Variants in CADPS2 observed in about 807,000 individuals in gnomAD.
CADPS2 encodes calcium-dependent secretion activator 2.
In CADPS2, 93 loss-of-function variants were observed where a neutral mutation model predicts 172.5. The observed-to-expected ratio is 0.54, with a 90% CI of 0.46 to 0.64. The LOEUF (loss-of-function observed/expected upper bound fraction) is 0.64, where lower values mean the gene tolerates loss of function less well. Ranked by LOEUF, CADPS2 falls within the 30% of genes least tolerant of loss-of-function variation. The probability of loss-of-function intolerance (pLI) is 0.00; values close to 1 mark genes in which losing one functional copy is unlikely to be tolerated. For missense variants in CADPS2, 1,420 were observed against 1,565.9 expected, an observed-to-expected ratio of 0.91 and a Z score of 1.57; for synonymous variants, 546 against 555.2, an observed-to-expected ratio of 0.98 and a Z score of 0.23.
intron 8 of CADPS2, among the ~76,000 whole-genome samples, chr7:122,544,654 T>C (rs2063441876): frequency 6.6e-6 from 1 of 152,144 alleles, no homozygotes; most frequent in South Asian, 2.1e-4. Flanking sequence ...CCCATGTGTG[T>C]CCTCATGGTG....
intron 9 of CADPS2, among the ~76,000 whole-genome samples, chr7:122,506,690 G>A (rs941400617): frequency 1.3e-5 from 2 of 149,354 alleles, no homozygotes; most frequent in African/African-American, 2.5e-5. Flanking sequence ...AGCTGGAAAT[G>A]TTCTTGGCAG....
intron 1 of CADPS2, among the ~76,000 whole-genome samples, chr7:122,842,208 C>T (rs1434644862): frequency 6.6e-6 from 1 of 152,216 alleles, no homozygotes; most frequent in Admixed American, 6.5e-5. Context: ...CTCTTTCCTC[C>T]CTCTGCTTCT....
At chr7:122,392,394 T>C (rs2044487279) in intron 22 of CADPS2, among the ~76,000 whole-genome samples, 1 of 151,476 alleles carries the variant, frequency 6.6e-6, no homozygotes, top group South Asian at 2.1e-4. Context: ...ATACAGTTTT[T>C]TTTTTTTAAA....
chr7:122,456,777 C>T (rs2053836786), intron 14 of CADPS2, among the ~76,000 whole-genome samples: 1 of 152,194 alleles, frequency 6.6e-6, no homozygotes, highest in South Asian at 2.1e-4. Context: ...CACACGTGTG[C>T]ACACAAACAC....
intron 1 of CADPS2, among the ~76,000 whole-genome samples, chr7:122,773,585 T>C (rs1044881034): frequency 1.3e-5 from 2 of 152,018 alleles, no homozygotes; most frequent in African/African-American, 4.8e-5. Flanking sequence ...GACCAGAAGT[T>C]CAAAAAAGGC....
chr7:122,610,841 G>A (rs2074203314), intron 6 of CADPS2, among the ~76,000 whole-genome samples: 1 of 152,090 alleles, frequency 6.6e-6, no homozygotes, highest in Admixed American at 6.6e-5. Context: ...CCAACAAGTG[G>A]TGGTACACTA....
At chr7:122,878,575 G>A (rs1821947676) in intron 1 of CADPS2, among the ~76,000 whole-genome samples, 1 of 151,516 alleles carries the variant, frequency 6.6e-6, no homozygotes, top group African/African-American at 2.4e-5. Flanking sequence ...AGGAGGTGGA[G>A]CTTGCAGTGA....
chr7:122,480,926 C>A, intron 11 of CADPS2, 66 bp from the exon 12 acceptor site: 1 of 1,172,556 alleles, frequency 8.5e-7, no homozygotes. Context: ...TATACTTATA[C>A]AACTAGACAT....
intron 8 of CADPS2, among the ~76,000 whole-genome samples, chr7:122,526,480 A>AT (rs1391375117): frequency 6.6e-6 from 1 of 152,126 alleles, no homozygotes; most frequent in Non-Finnish European, 1.5e-5. Context: ...GGCATGAGCC[A>AT]TCCCGCCTGG....
chr7:122,644,976 C>A (rs2078144215), intron 3 of CADPS2, among the ~76,000 whole-genome samples: 1 of 151,914 alleles, frequency 6.6e-6, no homozygotes, highest in Non-Finnish European at 1.5e-5. Flanking sequence ...CTTAAAAATG[C>A]ATTTCCCAAA....
At chr7:122,850,157 GTGGC>G in intron 1 of CADPS2, 1 of 1,146,194 alleles carries the variant, frequency 8.7e-7, no homozygotes, top group Non-Finnish European at 1.2e-6. Flanking sequence ...GGGCGTATCT[GTGGC>G]TTCCCACACA....
At chr7:122,711,713 CG>C (rs2088758992) in intron 2 of CADPS2, among the ~76,000 whole-genome samples, 1 of 152,072 alleles carries the variant, frequency 6.6e-6, no homozygotes, top group Admixed American at 6.6e-5. Flanking sequence ...AGTACAGTAG[CG>C]TGATCTTGGC....
At chr7:122,430,178 C>T (rs2151885757) in intron 17 of CADPS2, among the ~76,000 whole-genome samples, 1 of 152,278 alleles carries the variant, frequency 6.6e-6, no homozygotes, top group East Asian at 1.9e-4. Flanking sequence ...AAATCCTCAC[C>T]TCCCAAAGAC....
intron 22 of CADPS2, among the ~76,000 whole-genome samples, chr7:122,390,519 AAAC>A (rs2044240239): frequency 6.6e-6 from 1 of 152,070 alleles, no homozygotes; most frequent in Non-Finnish European, 1.5e-5. Context: ...TGACAAGGAA[AAAC>A]ATCATAAAAA....
At chr7:122,564,836 TACACACACATGCAC>T (rs925127034) in intron 7 of CADPS2, among the ~76,000 whole-genome samples, 16 of 107,280 alleles carry the variant, frequency 1.5e-4, no homozygotes, top group Non-Finnish European at 2.3e-4. Context: ...GACACACACA[TACACACACATGCAC>T]ACACACACAC....
chr7:122,471,679 T>C, intron 13 of CADPS2, 117 bp from the exon 14 acceptor site: 2 of 821,020 alleles, frequency 2.4e-6, no homozygotes, highest in Non-Finnish European at 3.7e-6. Context: ...TCTTGACATT[T>C]ATTTTATTAG....
chr7:122,845,564 C>T (rs1190031052), intron 1 of CADPS2, among the ~76,000 whole-genome samples: 3 of 152,136 alleles, frequency 2.0e-5, no homozygotes, highest in Non-Finnish European at 4.4e-5. Flanking sequence ...GTGGCACTGC[C>T]CTTTCTCCAT....
chr7:122,669,427 TACAGGCATCTAGCTC>T (rs2081547281), intron 2 of CADPS2, among the ~76,000 whole-genome samples: 1 of 151,586 alleles, frequency 6.6e-6, no homozygotes, highest in African/African-American at 2.4e-5. Flanking sequence ...AGGAGGATTA[TACAGGCATCTAGCTC>T]ACAGGTGTCC....
intron 1 of CADPS2, among the ~76,000 whole-genome samples, chr7:122,859,766 A>G (rs1436663986): frequency 6.6e-6 from 1 of 152,140 alleles, no homozygotes; most frequent in Non-Finnish European, 1.5e-5. Flanking sequence ...CAGGTTACTT[A>G]TAATACCTAA....
Sources: allele counts gnomAD v4.1 joint callset (sites outside exome capture counted in the v4.1 genomes callset), GRCh38; gene constraint gnomAD v4.1.1; transcripts MANE v1.5; gene names NCBI Gene and HGNC (gene_info 2026-07-23, HGNC 2026-07-21).